PLCB4: variants seen among roughly 807,000 people sequenced by gnomAD.
PLCB4 encodes phospholipase C beta 4.
A neutral mutation model predicts 178.8 loss-of-function variants in PLCB4; 77 were observed. That is an observed-to-expected ratio of 0.43 (90% CI 0.36 to 0.52). The LOEUF (loss-of-function observed/expected upper bound fraction) is 0.52, where lower values mean the gene tolerates loss of function less well. Ranked by LOEUF, PLCB4 falls within the 20% of genes least tolerant of loss-of-function variation. PLCB4 has a pLI of 0.00. For missense variants in PLCB4, 1,024 were observed against 1,453.4 expected, an observed-to-expected ratio of 0.70 and a Z score of 4.80; for synonymous variants, 496 against 490.8, an observed-to-expected ratio of 1.01 and a Z score of -0.14.
At chr20:9,376,233 C>G (rs2036659485) in intron 12 of PLCB4, among the ~76,000 whole-genome samples, 1 of 152,096 alleles carries the variant, frequency 6.6e-6, no homozygotes, top group South Asian at 2.1e-4. Flanking sequence ...TAGAAATGCT[C>G]AGTCTTGGGT....
At chr20:9,341,718 T>G (rs890796755) in intron 7 of PLCB4, among the ~76,000 whole-genome samples, 1 of 151,758 alleles carries the variant, frequency 6.6e-6, no homozygotes, top group Non-Finnish European at 1.5e-5. Context: ...AAACCCATGT[T>G]GTTCCATGAC....
At chr20:9,362,081 T>G (rs76626604) in intron 7 of PLCB4, among the ~76,000 whole-genome samples, 2,782 of 152,292 alleles carry the variant, frequency 0.018, 93 homozygotes, top group African/African-American at 0.063. Flanking sequence ...GGAATCAGCT[T>G]ATGTGTGGGC....
intron 2 of PLCB4, among the ~76,000 whole-genome samples, chr20:9,182,532 T>G (rs2093264192): frequency 6.6e-6 from 1 of 152,226 alleles, no homozygotes; most frequent in Non-Finnish European, 1.5e-5. Flanking sequence ...TAGTATTTAC[T>G]GAGTGCATGG....
At chr20:9,406,961 A>G (rs1183055039) in intron 21 of PLCB4, among the ~76,000 whole-genome samples, 1 of 152,236 alleles carries the variant, frequency 6.6e-6, no homozygotes, top group Non-Finnish European at 1.5e-5. Flanking sequence ...CTATCAATAA[A>G]TAAACTAATT....
intron 15 of PLCB4, among the ~76,000 whole-genome samples, chr20:9,387,977 G>C (rs572816360): frequency 1.3e-5 from 2 of 152,238 alleles, no homozygotes; most frequent in African/African-American, 4.8e-5. Context: ...GGTGGCTCAC[G>C]CCTGTAATCC....
chr20:9,272,226 A>G (rs2094410770), intron 3 of PLCB4, among the ~76,000 whole-genome samples: 1 of 151,946 alleles, frequency 6.6e-6, no homozygotes, highest in Admixed American at 6.6e-5. Context: ...TCAAGGTACC[A>G]TGGCTAAGAA....
chr20:9,319,341 A>G (rs1174931276), intron 4 of PLCB4, among the ~76,000 whole-genome samples: 1 of 152,150 alleles, frequency 6.6e-6, no homozygotes, highest in Non-Finnish European at 1.5e-5. Flanking sequence ...ATTTTCAGAA[A>G]TTATTTTTGT....
intron 3 of PLCB4, among the ~76,000 whole-genome samples, chr20:9,300,430 T>A (rs1430788913): frequency 1.3e-5 from 2 of 152,198 alleles, no homozygotes; most frequent in African/African-American, 4.8e-5. Flanking sequence ...GAAAGCTATA[T>A]GTTATCAAGT....
intron 4 of PLCB4, among the ~76,000 whole-genome samples, chr20:9,324,302 T>C (rs2030019029): frequency 6.6e-6 from 1 of 152,138 alleles, no homozygotes; most frequent in South Asian, 2.1e-4. Context: ...GGCATGCACC[T>C]GTAGTCCCAG....
chr20:9,085,638 G>A (rs767765375), intron 1 of PLCB4, among the ~76,000 whole-genome samples: 20 of 152,076 alleles, frequency 1.3e-4, no homozygotes, highest in Admixed American at 1.2e-3. Flanking sequence ...CAGCATAAGT[G>A]GGCATTACTG....
At chr20:9,360,281 G>C (rs1161069151) in intron 7 of PLCB4, among the ~76,000 whole-genome samples, 1 of 152,222 alleles carries the variant, frequency 6.6e-6, no homozygotes, top group Non-Finnish European at 1.5e-5. Context: ...TCACTGGAGT[G>C]ATGGCCTTAA....
intron 9 of PLCB4, among the ~76,000 whole-genome samples, chr20:9,366,161 G>A (rs1183384433): frequency 1.3e-5 from 2 of 149,524 alleles, no homozygotes; most frequent in Non-Finnish European, 3.0e-5. Context: ...AGGCCGCAGC[G>A]GGTGGATCAC....
At chr20:9,387,055 C>T (rs780480561) in intron 14 of PLCB4, among the ~76,000 whole-genome samples, 2 of 151,820 alleles carry the variant, frequency 1.3e-5, no homozygotes, top group Non-Finnish European at 2.9e-5. Context: ...AGCCATCACA[C>T]CTGGCTAATT....
At chr20:9,415,465 T>C (rs2040177300) in intron 25 of PLCB4, among the ~76,000 whole-genome samples, 1 of 152,214 alleles carries the variant, frequency 6.6e-6, no homozygotes. Context: ...TTAGGTATGA[T>C]GAAATAGGAT....
intron 11 of PLCB4, 66 bp downstream of exon 11, chr20:9,372,469 G>C: frequency 1.3e-6 from 1 of 779,932 alleles, no homozygotes; most frequent in East Asian, 2.6e-5. Flanking sequence ...TTTTTAAAAC[G>C]TTTTTGTCCT....
chr20:9,094,357 A>G (rs2090812673), intron 1 of PLCB4, among the ~76,000 whole-genome samples: 1 of 152,158 alleles, frequency 6.6e-6, no homozygotes, highest in African/African-American at 2.4e-5. Flanking sequence ...CCATACCTAT[A>G]AGCTTTTCAT....
intron 30 of PLCB4, 118 bp from the exon 31 acceptor site, chr20:9,443,863 C>CAT: frequency 1.6e-6 from 1 of 621,266 alleles, no homozygotes; most frequent in South Asian, 2.1e-5. Flanking sequence ...TTATATTCAT[C>CAT]ATATGTAAAG....
At chr20:9,201,700 G>T (rs1251117431) in intron 2 of PLCB4, among the ~76,000 whole-genome samples, 2 of 152,134 alleles carry the variant, frequency 1.3e-5, no homozygotes, top group East Asian at 3.9e-4. Flanking sequence ...ACACACCTAT[G>T]AGCATGGCTA....
intron 33 of PLCB4, among the ~76,000 whole-genome samples, chr20:9,454,240 T>C (rs992778672): frequency 2.0e-5 from 3 of 152,170 alleles, no homozygotes; most frequent in Admixed American, 6.6e-5. Flanking sequence ...GTCCACGATA[T>C]TGGGGGGATG....
Sources: gnomAD v4.1 joint callset for allele counts (sites outside exome capture counted in the v4.1 genomes callset) on GRCh38, gnomAD v4.1.1 for gene constraint, MANE v1.5 for transcripts, NCBI Gene and HGNC (gene_info 2026-07-23, HGNC 2026-07-21) for gene names.